Variants in GRIK2 observed in about 807,000 individuals in gnomAD.
GRIK2 encodes glutamate receptor ionotropic, kainate 2.
In GRIK2, 32 loss-of-function variants were observed where a neutral mutation model predicts 100.3. That is an observed-to-expected ratio of 0.32 (90% CI 0.24 to 0.43). The LOEUF (loss-of-function observed/expected upper bound fraction) is 0.43. GRIK2 is among the 20% of genes least tolerant of loss of function. GRIK2 has a pLI of 1.00. For missense variants in GRIK2, 843 were observed against 1,114.9 expected (o/e 0.76, Z 3.47); for synonymous variants, 417 against 389.4 (o/e 1.07, Z -0.83).
At chr6:101,462,704 G>A (rs1322407759) in intron 2 of GRIK2, among the ~76,000 whole-genome samples, 1 of 152,176 alleles carries the variant, frequency 6.6e-6, no homozygotes, top group Non-Finnish European at 1.5e-5. Context: ...AACTGCGAAT[G>A]AAGAAATGAG....
intron 2 of GRIK2, among the ~76,000 whole-genome samples, chr6:101,485,040 C>T (rs1772745122): frequency 6.6e-6 from 1 of 152,096 alleles, no homozygotes; most frequent in African/African-American, 2.4e-5. Flanking sequence ...CATCAAATAC[C>T]TTTGACTTTA....
chr6:101,445,219 A>T (rs764930413), intron 2 of GRIK2, among the ~76,000 whole-genome samples: 2 of 152,060 alleles, frequency 1.3e-5, no homozygotes, highest in Non-Finnish European at 2.9e-5. Flanking sequence ...CTTAGTACTC[A>T]TATTGATGAC....
chr6:101,632,211 A>G (rs1780780129), intron 4 of GRIK2, among the ~76,000 whole-genome samples: 1 of 151,952 alleles, frequency 6.6e-6, no homozygotes, highest in Admixed American at 6.6e-5. Context: ...CTCCAAACAC[A>G]TCCCAAAGGA....
chr6:101,533,817 A>G (rs538113377), intron 2 of GRIK2, among the ~76,000 whole-genome samples: 2 of 152,094 alleles, frequency 1.3e-5, no homozygotes, highest in Non-Finnish European at 2.9e-5. Context: ...GAAATTAAAC[A>G]TCTGCCTTCA....
At chr6:102,065,695 G>A (rs1481397576) in intron 16 of GRIK2, 5 of 640,564 alleles carry the variant, frequency 7.8e-6, no homozygotes, top group East Asian at 3.3e-5. Flanking sequence ...TATTTCAAAC[G>A]ATTCAATGTT....
At chr6:102,032,949 T>C (rs1770075458) in intron 14 of GRIK2, among the ~76,000 whole-genome samples, 1 of 151,228 alleles carries the variant, frequency 6.6e-6, no homozygotes. Context: ...ATGAAATGTA[T>C]ATTTAGATAG....
chr6:101,675,913 C>T (rs1425382653), intron 4 of GRIK2, among the ~76,000 whole-genome samples: 1 of 152,090 alleles, frequency 6.6e-6, no homozygotes, highest in Non-Finnish European at 1.5e-5. Flanking sequence ...TACATATACA[C>T]CAACTTGAGT....
chr6:101,811,611 A>G (rs973999938), intron 9 of GRIK2, among the ~76,000 whole-genome samples: 1 of 152,030 alleles, frequency 6.6e-6, no homozygotes, highest in African/African-American at 2.4e-5. Flanking sequence ...TCTTGTATAC[A>G]TATCAAGCAA....
intron 12 of GRIK2, among the ~76,000 whole-genome samples, chr6:101,900,765 T>G (rs1486308603): frequency 1.3e-5 from 2 of 152,098 alleles, no homozygotes; most frequent in Non-Finnish European, 2.9e-5. Context: ...CCTTATATCT[T>G]GATGGTAGCT....
intron 10 of GRIK2, among the ~76,000 whole-genome samples, chr6:101,855,872 A>T (rs1228943739): frequency 6.6e-6 from 1 of 152,176 alleles, no homozygotes; most frequent in African/African-American, 2.4e-5. Flanking sequence ...ATAGGAATTC[A>T]GATAAGAAAT....
chr6:101,628,186 G>A (rs1204090327), intron 4 of GRIK2, among the ~76,000 whole-genome samples: 2 of 151,790 alleles, frequency 1.3e-5, no homozygotes, highest in Non-Finnish European at 2.9e-5. Context: ...GCAGAAATTT[G>A]CCCATTTGCC....
At chr6:101,441,402 A>G (rs1243615964) in intron 2 of GRIK2, among the ~76,000 whole-genome samples, 4 of 152,256 alleles carry the variant, frequency 2.6e-5, no homozygotes, top group Non-Finnish European at 4.4e-5. Flanking sequence ...ATCATTTCCA[A>G]TTTTTCTAGA....
chr6:101,608,341 C>T (rs1779523620), intron 2 of GRIK2, among the ~76,000 whole-genome samples: 1 of 151,812 alleles, frequency 6.6e-6, no homozygotes, highest in Non-Finnish European at 1.5e-5. Context: ...GTTTACAATG[C>T]TATTGTAGAA....
intron 14 of GRIK2, among the ~76,000 whole-genome samples, chr6:101,949,405 T>C (rs1042657242): frequency 6.6e-6 from 1 of 152,132 alleles, no homozygotes; most frequent in South Asian, 2.1e-4. Flanking sequence ...CTGGAATACA[T>C]GTGCAGAATG....
chr6:101,698,447 T>G (rs1360636759), intron 7 of GRIK2, among the ~76,000 whole-genome samples: 1 of 152,114 alleles, frequency 6.6e-6, no homozygotes, highest in East Asian at 1.9e-4. Flanking sequence ...GGAAATATTA[T>G]GTTGATCTTT....
At chr6:101,677,765 T>TA (rs1186326541) in intron 5 of GRIK2, among the ~76,000 whole-genome samples, 2 of 152,136 alleles carry the variant, frequency 1.3e-5, no homozygotes, top group East Asian at 3.8e-4. Context: ...ACTGGAGAGT[T>TA]ACGCAGATTC....
intron 15 of GRIK2, among the ~76,000 whole-genome samples, chr6:102,041,547 A>G (rs1770575998): frequency 6.6e-6 from 1 of 151,526 alleles, no homozygotes; most frequent in African/African-American, 2.4e-5. Context: ...AGCATGTTGC[A>G]TGGAGTCTTT....
chr6:101,781,226 A>T (rs1779071824), intron 7 of GRIK2, among the ~76,000 whole-genome samples: 2 of 152,092 alleles, frequency 1.3e-5, no homozygotes, highest in Admixed American at 6.6e-5. Context: ...TAGTGATCAG[A>T]TTTCACTAAT....
intron 14 of GRIK2, among the ~76,000 whole-genome samples, chr6:101,998,850 G>C (rs960573043): frequency 2.1e-4 from 22 of 104,594 alleles, no homozygotes; most frequent in South Asian, 6.3e-4. Context: ...GTCTCGTTCT[G>C]TCTCCTAGGC....
Sources: allele counts gnomAD v4.1 joint callset (sites outside exome capture counted in the v4.1 genomes callset), GRCh38; gene constraint gnomAD v4.1.1; transcripts MANE v1.5; gene names NCBI Gene and HGNC (gene_info 2026-07-23, HGNC 2026-07-21).